PPP1R9A: variants seen among roughly 807,000 people sequenced by gnomAD.
PPP1R9A encodes the protein protein phosphatase 1 regulatory subunit 9A.
In PPP1R9A, 59 loss-of-function variants were observed where a neutral mutation model predicts 141.9. The observed-to-expected ratio is 0.42, with a 90% CI of 0.34 to 0.52. The LOEUF is 0.52. Ranked by LOEUF, PPP1R9A falls within the 20% of genes least tolerant of loss-of-function variation. The pLI is 0.10. For missense variants in PPP1R9A, 1,444 were observed against 1,611.9 expected (o/e 0.90, Z 1.78); for synonymous variants, 500 against 569.7 (o/e 0.88, Z 1.74).
intron 2 of PPP1R9A, among the ~76,000 whole-genome samples, chr7:95,084,444 T>C (rs933817698): frequency 1.3e-5 from 2 of 152,008 alleles, no homozygotes; most frequent in Admixed American, 6.6e-5. Flanking sequence ...GTATGACAAC[T>C]TGGGTACCCA....
chr7:95,225,191 G>A (rs948528242), intron 7 of PPP1R9A, among the ~76,000 whole-genome samples: 12 of 152,022 alleles, frequency 7.9e-5, no homozygotes, highest in African/African-American at 2.7e-4. Flanking sequence ...AAAAATTGTG[G>A]GGTATTAGAA....
intron 2 of PPP1R9A, among the ~76,000 whole-genome samples, chr7:95,032,842 C>T (rs1807876170): frequency 1.3e-5 from 2 of 152,000 alleles, no homozygotes; most frequent in African/African-American, 4.8e-5. Flanking sequence ...TAAACCACCT[C>T]CTACATTAAG....
At position 95,250,044 on chromosome 7, in the gene PPP1R9A, G is replaced by T; in HGVS notation, c.2185G>T (p.Glu729Ter). 6.2e-7 allele frequency: 1 copy of T among 1,605,642 alleles called. No homozygotes were observed. Among genetic ancestry groups the T allele is most frequent in the Non-Finnish European group, 8.5e-7 (1 of 1,177,254 alleles). Residue 729 changes from glutamate (E) to a stop codon, truncating the protein, a stop_gained, in exon 10 of 20, where the codon GAG becomes TAG. Transcript: ENST00000433360. LOFTEE classifies it high-confidence loss of function. ...TCTCCAGCTGCAGGCAGCAGAAAAT[G>T]AGAAAGTGAGGTGGGAACTAGAAAA... ...LKTKLQAAEN[E>*]KVRWELEKTQ...
intron 4 of PPP1R9A, among the ~76,000 whole-genome samples, chr7:95,159,598 T>G (rs185766271): frequency 2.6e-5 from 4 of 152,136 alleles, no homozygotes; most frequent in African/African-American, 9.6e-5. Context: ...ATAAATGGGC[T>G]TCAACTTTTC....
intron 2 of PPP1R9A, among the ~76,000 whole-genome samples, chr7:95,063,237 G>T (rs890857592): frequency 6.6e-6 from 1 of 152,100 alleles, no homozygotes; most frequent in Non-Finnish European, 1.5e-5. Context: ...AACTAATCTT[G>T]TGTGACCCTG....
At chr7:94,953,315 A>G (rs1169432454) in intron 2 of PPP1R9A, among the ~76,000 whole-genome samples, 1 of 152,088 alleles carries the variant, frequency 6.6e-6, no homozygotes, top group African/African-American at 2.4e-5. Context: ...CCATTGGTCT[A>G]TATATCTGTT....
At chr7:95,204,536 T>G (rs2152882886) in intron 7 of PPP1R9A, among the ~76,000 whole-genome samples, 1 of 152,042 alleles carries the variant, frequency 6.6e-6, no homozygotes, top group Non-Finnish European at 1.5e-5. Context: ...TTGGAAAACA[T>G]TCCGTTTAAG....
intron 2 of PPP1R9A, among the ~76,000 whole-genome samples, chr7:94,989,498 A>G (rs1801240650): frequency 1.3e-5 from 2 of 152,082 alleles, no homozygotes; most frequent in Admixed American, 6.6e-5. Context: ...TACAGCAGTT[A>G]ATCAACAATT....
intron 3 of PPP1R9A, among the ~76,000 whole-genome samples, chr7:95,119,666 C>T (rs1348281424): frequency 1.3e-5 from 2 of 152,032 alleles, no homozygotes; most frequent in African/African-American, 4.8e-5. Flanking sequence ...GTTGCCCAGG[C>T]TTGTCTTGAA....
intron 2 of PPP1R9A, among the ~76,000 whole-genome samples, chr7:95,070,870 AAT>A (rs1813722226): frequency 6.6e-6 from 1 of 151,896 alleles, no homozygotes; most frequent in Non-Finnish European, 1.5e-5. Flanking sequence ...ATGGAAAGAG[AAT>A]ATTAGTGAAC....
At chr7:95,214,207 T>A (rs1205136645) in intron 7 of PPP1R9A, 2 of 152,250 alleles carry the variant, frequency 1.3e-5, no homozygotes, top group African/African-American at 4.8e-5. Flanking sequence ...TCAATTTAGC[T>A]GGATGCCTCT....
intron 4 of PPP1R9A, among the ~76,000 whole-genome samples, chr7:95,145,622 G>A (rs1242776041): frequency 1.3e-5 from 2 of 152,166 alleles, no homozygotes; most frequent in Non-Finnish European, 2.9e-5. Flanking sequence ...CTAAAAGACA[G>A]AAATTGCTGG....
At chr7:95,042,174 G>A (rs1457321543) in intron 2 of PPP1R9A, among the ~76,000 whole-genome samples, 2 of 152,086 alleles carry the variant, frequency 1.3e-5, no homozygotes, top group Non-Finnish European at 2.9e-5. Flanking sequence ...CTATATGTAA[G>A]CATTTAAGAT....
At chr7:95,201,055 C>T (rs1025251295) in intron 6 of PPP1R9A, among the ~76,000 whole-genome samples, 6 of 149,914 alleles carry the variant, frequency 4.0e-5, no homozygotes, top group Non-Finnish European at 7.5e-5. Flanking sequence ...TTACTGTTTG[C>T]GGTGATGGAG....
At chr7:95,162,621 T>C (rs2152715567) in intron 5 of PPP1R9A, among the ~76,000 whole-genome samples, 1 of 152,312 alleles carries the variant, frequency 6.6e-6, no homozygotes, top group African/African-American at 2.4e-5. Flanking sequence ...ATCTTCAGTA[T>C]TGCTTATATC....
At chr7:95,073,997 G>T (rs1385743835) in intron 2 of PPP1R9A, among the ~76,000 whole-genome samples, 2 of 152,188 alleles carry the variant, frequency 1.3e-5, no homozygotes, top group African/African-American at 4.8e-5. Flanking sequence ...GAGGTTAGAA[G>T]CACAGTATCT....
intron 2 of PPP1R9A, among the ~76,000 whole-genome samples, chr7:94,912,493 T>C (rs1791577218): frequency 6.6e-6 from 1 of 152,186 alleles, no homozygotes; most frequent in Non-Finnish European, 1.5e-5. Flanking sequence ...TCTAGGGGCT[T>C]CTAGCTTACA....
At chr7:95,127,188 TTTAA>T (rs1823706958) in intron 4 of PPP1R9A, among the ~76,000 whole-genome samples, 1 of 152,214 alleles carries the variant, frequency 6.6e-6, no homozygotes, top group Admixed American at 6.5e-5. Context: ...TCCTCATTTT[TTTAA>T]TTATCAGATT....
At chr7:94,964,486 A>C (rs1318521130) in intron 2 of PPP1R9A, among the ~76,000 whole-genome samples, 1 of 151,936 alleles carries the variant, frequency 6.6e-6, no homozygotes, top group Admixed American at 6.6e-5. Flanking sequence ...CCCTCGCCTA[A>C]ATCCCCACCC....
Sources: gnomAD v4.1 joint callset for allele counts (sites outside exome capture counted in the v4.1 genomes callset) on GRCh38, gnomAD v4.1.1 for gene constraint, MANE v1.5 for transcripts, NCBI Gene and HGNC (gene_info 2026-07-23, HGNC 2026-07-21) for gene names.